MAPK8: variants seen among roughly 807,000 people sequenced by gnomAD.
MAPK8 encodes JUN N-terminal kinase.
In MAPK8, 13 loss-of-function variants were observed where a neutral mutation model predicts 52.9. That is an observed-to-expected ratio of 0.25 (90% CI 0.16 to 0.39). MAPK8 has a LOEUF of 0.39. MAPK8 is among the 10% of genes least tolerant of loss of function. The probability of loss-of-function intolerance (pLI) is 1.00; values close to 1 mark genes in which losing one functional copy is unlikely to be tolerated. For synonymous variants in MAPK8, 191 were observed against 169.8 expected, an observed-to-expected ratio of 1.12 and a Z score of -0.97; for missense variants, 300 against 519.2, an observed-to-expected ratio of 0.58 and a Z score of 4.10.
intron 1 of MAPK8, among the ~76,000 whole-genome samples, chr10:48,330,643 G>A (rs1844042613): frequency 6.6e-6 from 1 of 152,210 alleles, no homozygotes; most frequent in Non-Finnish European, 1.5e-5. Context: ...GTGTCTGGTA[G>A]GCAGGCACAC....
At chr10:48,390,255 C>G (rs965475133) in intron 1 of MAPK8, among the ~76,000 whole-genome samples, 1 of 152,314 alleles carries the variant, frequency 6.6e-6, no homozygotes, top group African/African-American at 2.4e-5. Context: ...CAGCTTTACT[C>G]AGTCTGTTTA....
chr10:48,349,205 T>C (rs67071575), intron 1 of MAPK8, among the ~76,000 whole-genome samples: 14,858 of 152,050 alleles, frequency 0.098, 757 homozygotes, highest in Non-Finnish European at 0.11. Context: ...ACTGTCAATA[T>C]CAGACAGATC....
intron 1 of MAPK8, among the ~76,000 whole-genome samples, chr10:48,400,586 T>G (rs1248838247): frequency 6.6e-6 from 1 of 152,216 alleles, no homozygotes; most frequent in Non-Finnish European, 1.5e-5. Context: ...GTTTGTGATC[T>G]GGCCCCAGGA....
intron 8 of MAPK8, 128 bp downstream of exon 8, chr10:48,426,198 A>G (rs1382341986): frequency 6.0e-6 from 6 of 992,322 alleles, no homozygotes; most frequent in Admixed American, 3.2e-5. Flanking sequence ...GATGGTGGGG[A>G]AAAAAATGAG....
intron 1 of MAPK8, among the ~76,000 whole-genome samples, chr10:48,330,479 C>T (rs750848071): frequency 2.0e-5 from 3 of 152,136 alleles, no homozygotes; most frequent in Non-Finnish European, 4.4e-5. Flanking sequence ...TGAGAGAACC[C>T]AGCTGTCTGA....
chr10:48,326,001 G>C (rs1843479028), intron 1 of MAPK8: 1 of 152,102 alleles, frequency 6.6e-6, no homozygotes, highest in Non-Finnish European at 1.5e-5. Context: ...ACTTGATTTT[G>C]ACTTTGATCA....
chr10:48,395,905 G>A (rs2041863641), intron 1 of MAPK8, among the ~76,000 whole-genome samples: 1 of 151,932 alleles, frequency 6.6e-6, no homozygotes, highest in Non-Finnish European at 1.5e-5. Flanking sequence ...TGCAACAAAT[G>A]GTATTAGTAT....
At chr10:48,330,929 G>T (rs1261595052) in intron 1 of MAPK8, among the ~76,000 whole-genome samples, 2 of 152,154 alleles carry the variant, frequency 1.3e-5, no homozygotes, top group Non-Finnish European at 2.9e-5. Flanking sequence ...CACATCCGCA[G>T]GCTGACTGCC....
chr10:48,428,120 C>G (rs1310560729), intron 10 of MAPK8, among the ~76,000 whole-genome samples: 1 of 152,186 alleles, frequency 6.6e-6, no homozygotes, highest in Non-Finnish European at 1.5e-5. Flanking sequence ...TTTGCCCTCA[C>G]CCTTGCCTAC....
intron 3 of MAPK8, among the ~76,000 whole-genome samples, chr10:48,408,353 C>T (rs1425671106): frequency 6.6e-6 from 1 of 152,136 alleles, no homozygotes; most frequent in African/African-American, 2.4e-5. Flanking sequence ...AGAGAATAGT[C>T]AACTCTGTCA....
intron 1 of MAPK8, among the ~76,000 whole-genome samples, chr10:48,309,214 CAGTT>C (rs1486806250): frequency 3.3e-5 from 5 of 152,078 alleles, no homozygotes; most frequent in African/African-American, 1.2e-4. Context: ...TAAAATTCAC[CAGTT>C]AGAGTGTATA....
At chr10:48,428,069 T>C (rs1021778197) in intron 10 of MAPK8, among the ~76,000 whole-genome samples, 7 of 152,222 alleles carry the variant, frequency 4.6e-5, no homozygotes, top group Non-Finnish European at 1.0e-4. Flanking sequence ...AAAGAAATGG[T>C]AGTAGTGTAC....
At chr10:48,362,382 G>C (rs975640630) in intron 1 of MAPK8, among the ~76,000 whole-genome samples, 1 of 152,052 alleles carries the variant, frequency 6.6e-6, no homozygotes, top group African/African-American at 2.4e-5. Flanking sequence ...CTTGCTTTAA[G>C]ATGAACTTTG....
intron 11 of MAPK8, among the ~76,000 whole-genome samples, chr10:48,434,157 G>A (rs770202203): frequency 5.3e-5 from 8 of 152,130 alleles, no homozygotes; most frequent in South Asian, 2.1e-4. Flanking sequence ...TAATACTTTC[G>A]GCAAAGGAAA....
At chr10:48,372,664 C>G (rs1050996526) in intron 1 of MAPK8, among the ~76,000 whole-genome samples, 7 of 149,618 alleles carry the variant, frequency 4.7e-5, no homozygotes, top group Admixed American at 1.3e-4. Flanking sequence ...GTAAGAAGAC[C>G]AGATTAGAGA....
At chr10:48,414,896 A>G (rs913481322) in intron 5 of MAPK8, among the ~76,000 whole-genome samples, 3 of 152,120 alleles carry the variant, frequency 2.0e-5, no homozygotes, top group African/African-American at 4.8e-5. Flanking sequence ...ATTTTTAAAA[A>G]TTATTTAATT....
chr10:48,431,149 C>A, intron 10 of MAPK8, 44 bp from the exon 11 acceptor site: 1 of 1,264,950 alleles, frequency 7.9e-7, no homozygotes, highest in Non-Finnish European at 1.2e-6. Flanking sequence ...GTGAGATTGG[C>A]TCTTAGACTT....
chr10:48,325,224 C>CCCGT (rs1843396611), intron 1 of MAPK8, among the ~76,000 whole-genome samples: 2 of 152,180 alleles, frequency 1.3e-5, no homozygotes, highest in African/African-American at 4.8e-5. Flanking sequence ...GATCTGCCCA[C>CCCGT]CTTGGCCTCC....
At chr10:48,314,401 A>G (rs61840551) in intron 1 of MAPK8, among the ~76,000 whole-genome samples, 16,379 of 152,242 alleles carry the variant, frequency 0.11, 1,157 homozygotes, top group Admixed American at 0.25. Flanking sequence ...TTGGAGGGAC[A>G]CAGACAGTCC....
Sources: gnomAD v4.1 joint callset for allele counts (sites outside exome capture counted in the v4.1 genomes callset) on GRCh38, gnomAD v4.1.1 for gene constraint, MANE v1.5 for transcripts, NCBI Gene and HGNC (gene_info 2026-07-23, HGNC 2026-07-21) for gene names.